Variants in REV1 observed in about 807,000 individuals in gnomAD.
The protein encoded by REV1 is translesion synthesis protein REV1.
In REV1, 42 loss-of-function variants were observed where a neutral mutation model predicts 137.4. That is an observed-to-expected ratio of 0.31 (90% CI 0.24 to 0.40). The LOEUF (loss-of-function observed/expected upper bound fraction) is 0.40, where lower values mean the gene tolerates loss of function less well. Ranked by LOEUF, REV1 falls within the 10% of genes least tolerant of loss-of-function variation. The pLI, the probability that REV1 is intolerant of heterozygous loss-of-function variation, is 1.00. For synonymous variants in REV1, 524 were observed against 519.2 expected (o/e 1.01, Z -0.12); for missense variants, 1,282 against 1,490.1 (o/e 0.86, Z 2.30).
intron 1 of REV1, among the ~76,000 whole-genome samples, chr2:99,475,048 T>C (rs1392152115): frequency 6.6e-6 from 1 of 152,234 alleles, no homozygotes; most frequent in African/African-American, 2.4e-5. Context: ...AAATGCTTGT[T>C]CCCCGGTGCC....
chr2:99,447,849 T>C (rs2104931360), intron 4 of REV1, among the ~76,000 whole-genome samples: 1 of 152,128 alleles, frequency 6.6e-6, no homozygotes, highest in South Asian at 2.1e-4. Context: ...GCCTCCCAAG[T>C]AACCGGGATT....
chr2:99,470,016 G>C lies in REV1; in HGVS notation c.-10-5031C>G, dbSNP rs538573630. 7.2e-5 allele frequency among the ~76,000 whole-genome samples: 11 copies of C among 152,062 alleles called. No homozygotes were observed. In the South Asian group the frequency reaches 2.3e-3, roughly 32 times the overall value. On this transcript the variant is annotated intron_variant, in intron 1 of 22. Transcript: ENST00000258428. ...GTCACCTGTAGTCCCAGCTACGTGGGAGGCTGAGGCAGGAGAATGGCGTGA... is the reference window on the plus strand; with the variant it reads ...GTCACCTGTAGTCCCAGCTACGTGGCAGGCTGAGGCAGGAGAATGGCGTGA...
intron 9 of REV1, among the ~76,000 whole-genome samples, chr2:99,426,034 C>T (rs1485105324): frequency 6.7e-6 from 1 of 148,850 alleles, no homozygotes; most frequent in Non-Finnish European, 1.5e-5. Context: ...GAAACTCCAT[C>T]TCAAAAAAAG....
chr2:99,463,902 G>A (rs541598562), intron 2 of REV1, among the ~76,000 whole-genome samples: 9 of 152,264 alleles, frequency 5.9e-5, no homozygotes, highest in South Asian at 2.1e-4. Flanking sequence ...GGGATTACAG[G>A]TGTGAGCCAC....
chr2:99,457,665 A>T (rs891876858), intron 3 of REV1, among the ~76,000 whole-genome samples: 1 of 151,222 alleles, frequency 6.6e-6, no homozygotes, highest in Non-Finnish European at 1.5e-5. Flanking sequence ...AGCCTGGGTG[A>T]CAAAGTGAGA....
chr2:99,411,687 G>T (rs1422770220), intron 13 of REV1, among the ~76,000 whole-genome samples: 1 of 150,878 alleles, frequency 6.6e-6, no homozygotes, highest in East Asian at 2.0e-4. Context: ...GGGATTACAG[G>T]TGTGAGCCAC....
chr2:99,475,635 C>T (rs573600834), intron 1 of REV1, among the ~76,000 whole-genome samples: 13 of 152,002 alleles, frequency 8.6e-5, no homozygotes, highest in African/African-American at 1.2e-4. Context: ...TGCAGTGAGC[C>T]GAGATTGAGC....
chr2:99,431,979 A>C, intron 8 of REV1: 13 of 821,318 alleles, frequency 1.6e-5, no homozygotes, highest in Non-Finnish European at 1.8e-5. Flanking sequence ...TCTATGACTA[A>C]TACGATTTTT....
intron 8 of REV1, among the ~76,000 whole-genome samples, chr2:99,433,984 C>T (rs1274285183): frequency 6.6e-6 from 1 of 152,108 alleles, no homozygotes; most frequent in Non-Finnish European, 1.5e-5. Flanking sequence ...CTTCCTCATA[C>T]AAATCTTGAG....
At chr2:99,468,167 C>T (rs1459935681) in intron 1 of REV1, among the ~76,000 whole-genome samples, 5 of 140,516 alleles carry the variant, frequency 3.6e-5, no homozygotes, top group East Asian at 2.0e-4. Flanking sequence ...GCAACAAGAG[C>T]GAAACTCCAT....
At chr2:99,459,100 C>A (rs1041420672) in intron 3 of REV1, among the ~76,000 whole-genome samples, 1 of 151,460 alleles carries the variant, frequency 6.6e-6, no homozygotes, top group South Asian at 2.1e-4. Flanking sequence ...CCCAGCTACT[C>A]GGGAGGCTGA....
chr2:99,420,756 A>G lies in REV1; in HGVS notation c.1831+743T>C, dbSNP rs186221048. ...GTTTTTGGATGAAGATGGAGGAATA[A>G]TGGTTGAAAGTGACAATGGCAAGCT... On this transcript the variant is annotated intron_variant, in intron 11 of 22. Transcript: ENST00000258428. 8.5e-5 allele frequency among the ~76,000 whole-genome samples: 13 copies of G among 152,316 alleles called. No individual in the cohort carries two copies. The East Asian group carries it at 2.5e-3, about 29-fold the overall frequency.
rs6746320 is a variant in REV1, at chr2:99,466,420, T to C, written c.-10-1435A>G. ...ACCATGCCTGGCTATTTTTGTATTT[T>C]TAGTAGAGATGGGGTTTCACCATGT... is the stretch of plus-strand genomic sequence containing the variant. On this transcript the variant is annotated intron_variant, in intron 1 of 22. Coordinates refer to ENST00000258428, the MANE Select transcript of REV1 (RefSeq NM_016316.4). 8.1e-3 allele frequency among the ~76,000 whole-genome samples: 1,233 copies of C among 151,820 alleles called. 15 individuals carry two copies. Among genetic ancestry groups the C allele is most frequent in the African/African-American group, 0.027 (1,109 of 41,330 alleles).
At chr2:99,460,679 T>C (rs1220964103) in intron 3 of REV1, among the ~76,000 whole-genome samples, 1 of 152,056 alleles carries the variant, frequency 6.6e-6, no homozygotes, top group Non-Finnish European at 1.5e-5. Flanking sequence ...ATAAAGTTAT[T>C]TTACAGCACC....
chr2:99,488,874 A>G (rs1217928454), intron 1 of REV1, among the ~76,000 whole-genome samples: 2 of 152,248 alleles, frequency 1.3e-5, no homozygotes, highest in Non-Finnish European at 2.9e-5. Flanking sequence ...AGTCCTTAAT[A>G]GTTACAAGCC....
intron 12 of REV1, 96 bp downstream of exon 12, chr2:99,418,732 G>T: frequency 8.5e-7 from 1 of 1,174,404 alleles, no homozygotes; most frequent in Non-Finnish European, 1.2e-6. Context: ...TTATATTCAT[G>T]TCTGGGCAAA....
intron 15 of REV1, among the ~76,000 whole-genome samples, chr2:99,407,811 A>G (rs1676550627): frequency 6.6e-6 from 1 of 152,202 alleles, no homozygotes; most frequent in Non-Finnish European, 1.5e-5. Flanking sequence ...GGTACCTTGG[A>G]AAAGTACAGT....
At chr2:99,480,771 CAAATAAACATAAAGGAAGCAG>C (rs1686528585) in intron 1 of REV1, among the ~76,000 whole-genome samples, 1 of 152,010 alleles carries the variant, frequency 6.6e-6, no homozygotes, top group Non-Finnish European at 1.5e-5. Flanking sequence ...AATGTAATTC[CAAATAAACATAAAGGAAGCAG>C]AAGTTGTCAC....
intron 2 of REV1, 101 bp downstream of exon 2, chr2:99,464,821 G>A: frequency 1.8e-6 from 2 of 1,119,662 alleles, no homozygotes; most frequent in Non-Finnish European, 2.7e-6. Context: ...GGTGTCTAAA[G>A]TAATTTACAA....
Sources: allele counts gnomAD v4.1 joint callset (sites outside exome capture counted in the v4.1 genomes callset), GRCh38; gene constraint gnomAD v4.1.1; transcripts MANE v1.5; gene names NCBI Gene and HGNC (gene_info 2026-07-23, HGNC 2026-07-21).